Variants in NTM observed in about 807,000 individuals in gnomAD.
The protein encoded by NTM is IgLON family member 2.
In NTM, 13 loss-of-function variants were observed where a neutral mutation model predicts 42.1. That is an observed-to-expected ratio of 0.31 (90% CI 0.20 to 0.49). The LOEUF is 0.49. Among genes scored for constraint, NTM ranks in the 20% least tolerant of loss-of-function variants. The pLI is 0.99. For missense variants in NTM, 373 were observed against 452.8 expected, an observed-to-expected ratio of 0.82 and a Z score of 1.60; for synonymous variants, 187 against 179.2, an observed-to-expected ratio of 1.04 and a Z score of -0.35.
intron 1 of NTM, among the ~76,000 whole-genome samples, chr11:131,794,201 T>G (rs568018419): frequency 1.3e-5 from 2 of 151,898 alleles, no homozygotes; most frequent in African/African-American, 4.9e-5. Context: ...AGGGCCTGTC[T>G]CGCACCTCTG....
At chr11:132,220,408 T>G (rs929071910) in intron 4 of NTM, among the ~76,000 whole-genome samples, 2 of 152,182 alleles carry the variant, frequency 1.3e-5, no homozygotes, top group Admixed American at 6.5e-5. Flanking sequence ...AATTTGCCAG[T>G]GTCAATAGGG....
chr11:131,535,309 T>C (rs1040864983), intron 1 of NTM: 12 of 152,144 alleles, frequency 7.9e-5, no homozygotes, highest in Non-Finnish European at 1.5e-4. Flanking sequence ...AACAGTTATA[T>C]GGCAATAAAA....
intron 2 of NTM, among the ~76,000 whole-genome samples, chr11:132,133,544 G>A (rs755091263): frequency 2.0e-5 from 3 of 152,124 alleles, no homozygotes; most frequent in Non-Finnish European, 4.4e-5. Context: ...AGCACAGGTC[G>A]GGGGATGGCT....
chr11:132,123,882 A>G lies in NTM; in HGVS notation c.168-22400A>G, dbSNP rs540508057. ...TAGGACTCTGCACCCATCCCATCCC[A>G]CTTTCTCAGGACAGAAACCACGAGG... is the stretch of plus-strand genomic sequence containing the variant. On this transcript the variant is annotated intron_variant, in intron 2 of 8. Transcript: ENST00000683400. Among the ~76,000 whole-genome samples, 4 of 151,882 alleles carry G rather than the reference A, an allele frequency of 2.6e-5. No homozygotes were observed. The South Asian group carries it at 6.2e-4, about 24-fold the overall frequency.
intron 1 of NTM, among the ~76,000 whole-genome samples, chr11:131,797,476 C>T (rs978311876): frequency 1.3e-5 from 2 of 152,116 alleles, no homozygotes; most frequent in Admixed American, 6.5e-5. Flanking sequence ...CGGATAGAAT[C>T]GAAGGAAATA....
At chr11:132,160,584 A>T (rs1477921056) in intron 3 of NTM, among the ~76,000 whole-genome samples, 1 of 152,182 alleles carries the variant, frequency 6.6e-6, no homozygotes, top group Non-Finnish European at 1.5e-5. Flanking sequence ...TGCCCTAGTT[A>T]CCCCCAAAGA....
chr11:132,114,133 TA>T (rs1566197349), intron 2 of NTM, among the ~76,000 whole-genome samples: 1 of 152,164 alleles, frequency 6.6e-6, no homozygotes, highest in South Asian at 2.1e-4. Context: ...AGCTTTTGTT[TA>T]AAAAAATAAA....
chr11:132,274,666 G>C (rs1196202774), intron 4 of NTM, among the ~76,000 whole-genome samples: 4 of 152,042 alleles, frequency 2.6e-5, no homozygotes, highest in Non-Finnish European at 4.4e-5. Flanking sequence ...AAAATTTATT[G>C]GAACTTGCTT....
chr11:131,772,689 A>AC (rs962632535), intron 1 of NTM, among the ~76,000 whole-genome samples: 8 of 151,918 alleles, frequency 5.3e-5, no homozygotes, highest in Non-Finnish European at 8.8e-5. Flanking sequence ...TTCTGAGGAG[A>AC]CCCCCCAGCC....
chr11:131,947,156 T>G (rs139250322), intron 2 of NTM, among the ~76,000 whole-genome samples: 1 of 152,276 alleles, frequency 6.6e-6, no homozygotes, highest in African/African-American at 2.4e-5. Flanking sequence ...TATATTTAAT[T>G]ATGAAGTTTA....
chr11:132,288,525 C>G (rs749360160), intron 4 of NTM, among the ~76,000 whole-genome samples: 2 of 152,212 alleles, frequency 1.3e-5, no homozygotes, highest in African/African-American at 4.8e-5. Context: ...TTGAACTGAA[C>G]GGAATACACA....
At chr11:132,170,868 T>C (rs2076016812) in intron 3 of NTM, among the ~76,000 whole-genome samples, 1 of 152,206 alleles carries the variant, frequency 6.6e-6, no homozygotes, top group African/African-American at 2.4e-5. Flanking sequence ...GAGTGATAAA[T>C]GGTCCTTGAC....
intron 1 of NTM, 141 bp from the exon 2 acceptor site, chr11:131,911,423 C>A (rs527873479): frequency 1.2e-6 from 2 of 1,608,104 alleles, no homozygotes; most frequent in Non-Finnish European, 1.7e-6. Context: ...TTCCTGTGCT[C>A]GCCCGGGGGG....
chr11:131,378,987 A>G (rs1268310746), intron 1 of NTM, among the ~76,000 whole-genome samples: 1 of 152,176 alleles, frequency 6.6e-6, no homozygotes, highest in Non-Finnish European at 1.5e-5. Flanking sequence ...TGTATGCCGG[A>G]GTGAAAACTT....
At chr11:131,542,314 A>C (rs2053380489) in intron 1 of NTM, among the ~76,000 whole-genome samples, 1 of 152,172 alleles carries the variant, frequency 6.6e-6, no homozygotes. Flanking sequence ...CCAACACACC[A>C]TGTAGCACCT....
At chr11:132,022,880 T>C (rs948886769) in intron 2 of NTM, among the ~76,000 whole-genome samples, 1 of 152,188 alleles carries the variant, frequency 6.6e-6, no homozygotes, top group Non-Finnish European at 1.5e-5. Flanking sequence ...CAGTGCAACA[T>C]GTGATAAAAA....
At chr11:131,883,036 A>G (rs1169236721) in intron 1 of NTM, among the ~76,000 whole-genome samples, 3 of 152,176 alleles carry the variant, frequency 2.0e-5, no homozygotes, top group African/African-American at 7.2e-5. Context: ...GCACATTTCT[A>G]CTGAGGAAGG....
chr11:132,302,263 ACTT>A (rs1218295288), intron 4 of NTM, among the ~76,000 whole-genome samples: 2 of 146,402 alleles, frequency 1.4e-5, no homozygotes, highest in Non-Finnish European at 3.0e-5. Flanking sequence ...GATAAATCAT[ACTT>A]CTTCATTGAT....
At chr11:131,542,809 G>C (rs541299567) in intron 1 of NTM, among the ~76,000 whole-genome samples, 1 of 152,148 alleles carries the variant, frequency 6.6e-6, no homozygotes, top group Non-Finnish European at 1.5e-5. Flanking sequence ...GGGTGAGGAG[G>C]TGTGCAGCCT....
Sources: allele counts gnomAD v4.1 joint callset (sites outside exome capture counted in the v4.1 genomes callset), GRCh38; gene constraint gnomAD v4.1.1; transcripts MANE v1.5; gene names NCBI Gene and HGNC (gene_info 2026-07-23, HGNC 2026-07-21).